LIMD1: variants seen among roughly 807,000 people sequenced by gnomAD.
The protein encoded by LIMD1 is LIM domain containing 1, also known as LIM domain-containing protein 1.
LIMD1 carries 23 observed loss-of-function variants against 58.4 expected under a neutral mutation model. The observed-to-expected ratio is 0.39, with a 90% confidence interval of 0.28 to 0.56. The LOEUF (loss-of-function observed/expected upper bound fraction) is 0.56. Ranked by LOEUF, LIMD1 falls within the 20% of genes least tolerant of loss-of-function variation. LIMD1 has a pLI of 0.57. For missense variants in LIMD1, 838 were observed against 855.5 expected, an observed-to-expected ratio of 0.98 and a Z score of 0.25; for synonymous variants, 334 against 345.5, an observed-to-expected ratio of 0.97 and a Z score of 0.37.
At chr3:45,619,143 G>A (rs1446593128) in intron 1 of LIMD1, among the ~76,000 whole-genome samples, 1 of 152,146 alleles carries the variant, frequency 6.6e-6, no homozygotes, top group Non-Finnish European at 1.5e-5. Flanking sequence ...CCAGTTGTGT[G>A]TATAATAAAT....
intron 7 of LIMD1, chr3:45,674,642 A>C (rs999425014): frequency 2.2e-6 from 1 of 463,760 alleles, no homozygotes; most frequent in Admixed American, 3.2e-5. Context: ...AAGTCCTGCA[A>C]CTGTTGGAGC....
chr3:45,657,380 G>A (rs1697350485), intron 2 of LIMD1, among the ~76,000 whole-genome samples: 1 of 152,110 alleles, frequency 6.6e-6, no homozygotes, highest in South Asian at 2.1e-4. Flanking sequence ...CCCTTTTCCG[G>A]CCAGATATGG....
intron 2 of LIMD1, among the ~76,000 whole-genome samples, chr3:45,637,147 T>C (rs1370554185): frequency 6.6e-6 from 1 of 152,202 alleles, no homozygotes. Flanking sequence ...GTGGAGACTT[T>C]AAAACCCTGC....
At chr3:45,607,295 G>A (rs555160468) in intron 1 of LIMD1, among the ~76,000 whole-genome samples, 14 of 152,146 alleles carry the variant, frequency 9.2e-5, no homozygotes, top group African/African-American at 3.1e-4. Flanking sequence ...ACAGGGTCTC[G>A]GGGTCACACG....
At chr3:45,626,332 A>G (rs1701667827) in intron 1 of LIMD1, among the ~76,000 whole-genome samples, 2 of 152,222 alleles carry the variant, frequency 1.3e-5, no homozygotes, top group Non-Finnish European at 2.9e-5. Flanking sequence ...AAATTTGGCA[A>G]GATGTCCTTC....
At chr3:45,613,582 T>G (rs1274622955) in intron 1 of LIMD1, among the ~76,000 whole-genome samples, 1 of 150,444 alleles carries the variant, frequency 6.6e-6, no homozygotes, top group African/African-American at 2.4e-5. Flanking sequence ...CTGTTGAGGT[T>G]TTTTTTTTTT....
Position 45,673,480 on chromosome 3 carries a change from G to A in LIMD1, c.1799G>A (p.Cys600Tyr). ...GTGCTGGCCCCCAAGTGTGCAGCCT[G>A]TGGGCTTCCCATCCTTCCACCTGAG... ...HKVLAPKCAA[C>Y]GLPILPPEGS... The change falls in exon 6 of 8, where the codon TGT becomes TAT. Residue 600 changes from cysteine to tyrosine, a missense_variant. By Grantham distance (194) the Cys-to-Tyr change is radical. Coordinates refer to ENST00000273317, the MANE Select transcript of LIMD1 (RefSeq NM_014240.3). 1 of 1,614,062 alleles carries A rather than the reference G, an allele frequency of 6.2e-7. No individual in the cohort carries two copies. The highest frequency in any genetic ancestry group is 8.5e-7 in the Non-Finnish European group (1 of 1,179,940).
At chr3:45,638,270 C>T (rs1256915389) in intron 2 of LIMD1, among the ~76,000 whole-genome samples, 1 of 151,446 alleles carries the variant, frequency 6.6e-6, no homozygotes, top group Admixed American at 6.6e-5. Flanking sequence ...GTGTTTAGGC[C>T]CCCCTTTATT....
At chr3:45,644,023 C>T (rs4377516) in intron 2 of LIMD1, among the ~76,000 whole-genome samples, 111,461 of 152,128 alleles carry the variant, frequency 0.73, 42,165 homozygotes, top group East Asian at 0.97. Context: ...CTGTTGAAGA[C>T]TGCGAATGGG....
chr3:45,622,668 A>AT (rs775471185), intron 1 of LIMD1, among the ~76,000 whole-genome samples: 1,482 of 140,552 alleles, frequency 0.011, 17 homozygotes, highest in African/African-American at 0.027. Flanking sequence ...TTTTAAAGGA[A>AT]TTTTTTTTTT....
intron 4 of LIMD1, among the ~76,000 whole-genome samples, chr3:45,669,280 T>C (rs1038984224): frequency 6.6e-6 from 1 of 152,222 alleles, no homozygotes; most frequent in Non-Finnish European, 1.5e-5. Context: ...AACCAGCCTT[T>C]AAGAAGTTCT....
At chr3:45,596,342 T>C (rs2125646041) in intron 1 of LIMD1, 55 bp downstream of exon 1, 1 of 1,349,828 alleles carries the variant, frequency 7.4e-7, no homozygotes, top group Non-Finnish European at 1.0e-6. Flanking sequence ...TTCTTGAGAT[T>C]GGGGAACATG....
At chr3:45,621,329 G>A (rs989757340) in intron 1 of LIMD1, among the ~76,000 whole-genome samples, 1 of 151,974 alleles carries the variant, frequency 6.6e-6, no homozygotes, top group Admixed American at 6.6e-5. Context: ...TCCCAGGCTC[G>A]AACAATCCTC....
chr3:45,654,552 C>T (rs1409163303), intron 2 of LIMD1, among the ~76,000 whole-genome samples: 1 of 151,996 alleles, frequency 6.6e-6, no homozygotes, highest in Non-Finnish European at 1.5e-5. Context: ...CATTCACGGC[C>T]TGCAGGTGGC....
chr3:45,639,526 CG>C (rs1701821327), intron 2 of LIMD1, among the ~76,000 whole-genome samples: 1 of 152,134 alleles, frequency 6.6e-6, no homozygotes, highest in African/African-American at 2.4e-5. Flanking sequence ...GCCCACTTCC[CG>C]GGCACTCATA....
Position 45,636,002 on chromosome 3 carries a change from GAA to G in LIMD1, c.1409-146_1409-145del, listed in dbSNP as rs1376052816. 7 of 1,508,466 alleles carry G rather than the reference GAA, an allele frequency of 4.6e-6. No homozygotes were observed. In the African/African-American group the frequency reaches 9.9e-5, roughly 21 times the overall value. 93.4% of individuals were successfully genotyped at this position (1,508,466 alleles called of 1,614,324 possible). On this transcript the variant is annotated intron_variant, in intron 1 of 7. Coordinates refer to ENST00000273317, the MANE Select transcript of LIMD1 (RefSeq NM_014240.3). ...AAAGAGTGACAGAGGGAGAGGGAGA[GAA>G]AGACACTTCAAATGAGTCATCCACT...
chr3:45,672,562 T>G, intron 4 of LIMD1, 128 bp from the exon 5 acceptor site: 1 of 1,062,592 alleles, frequency 9.4e-7, no homozygotes, highest in Non-Finnish European at 1.4e-6. Flanking sequence ...TTCTCCTAGG[T>G]GAAACTCGGG....
chr3:45,674,617 A>G, intron 7 of LIMD1: 1 of 530,970 alleles, frequency 1.9e-6, no homozygotes, highest in Non-Finnish European at 3.4e-6. Context: ...TTTCTTCTGC[A>G]TATTCAGAAC....
At chr3:45,641,439 A>T (rs9858840) in intron 2 of LIMD1, among the ~76,000 whole-genome samples, 151,312 of 151,312 alleles carry the variant, frequency 1, 75,656 homozygotes, top group Non-Finnish European at 1. Flanking sequence ...TCCCATTTCA[A>T]TTATGAAAAT....
Sources: gnomAD v4.1 joint callset for allele counts (sites outside exome capture counted in the v4.1 genomes callset) on GRCh38, gnomAD v4.1.1 for gene constraint, MANE v1.5 for transcripts, NCBI Gene and HGNC (gene_info 2026-07-23, HGNC 2026-07-21) for gene names.